Variants in AGAP1 observed in about 807,000 individuals in gnomAD.
AGAP1 encodes arf-GAP with GTPase, ANK repeat and PH domain-containing protein 1.
Under a neutral mutation model 105.3 loss-of-function variants are expected in AGAP1, and 29 were observed. The observed-to-expected ratio is 0.28, with a 90% CI of 0.21 to 0.38. The LOEUF is 0.38. Among genes scored for constraint, AGAP1 ranks in the 10% least tolerant of loss-of-function variants. The pLI is 1.00. For synonymous variants in AGAP1, 509 were observed against 485.9 expected (o/e 1.05, Z -0.63); for missense variants, 998 against 1,165.1 (o/e 0.86, Z 2.09).
intron 1 of AGAP1, chr2:235,670,267 GC>G (rs1481019607): frequency 2.2e-6 from 1 of 450,802 alleles, no homozygotes; most frequent in Admixed American, 4.4e-5. Flanking sequence ...CGGTTCGGCG[GC>G]CCCGGCCCGC....
At position 235,714,765 on chromosome 2, in the gene AGAP1, T is replaced by A. The variant is rs1951015280; in HGVS notation, c.223-2792T>A. On this transcript the variant is annotated intron_variant, in intron 2 of 17. Coordinates refer to ENST00000304032, the MANE Select transcript of AGAP1 (RefSeq NM_001037131.3). The surrounding 1 kb of genome is among the most constrained non-coding windows in gnomAD (Gnocchi z 4.1). ...TTCCACACTGTCATGCCAAATTTGT[T>A]CTCTTATATGTTTGTTTGTTTTCTT... Among the ~76,000 whole-genome samples the A allele has an allele frequency of 6.6e-6, 1 of 152,008 alleles. No individual in the cohort carries two copies.
At chr2:235,837,240 C>T (rs1406903184) in intron 9 of AGAP1, among the ~76,000 whole-genome samples, 1 of 152,208 alleles carries the variant, frequency 6.6e-6, no homozygotes, top group Non-Finnish European at 1.5e-5. Context: ...CCACCTCGGC[C>T]TCCCAAAGTG....
At chr2:236,052,957 A>G (rs774429280) in intron 16 of AGAP1, among the ~76,000 whole-genome samples, 4 of 152,234 alleles carry the variant, frequency 2.6e-5, no homozygotes, top group Non-Finnish European at 2.9e-5. Flanking sequence ...TGAAGTAGTA[A>G]CAGTGGACAG....
chr2:235,547,184 A>G (rs1248719699), intron 1 of AGAP1, among the ~76,000 whole-genome samples: 1 of 152,158 alleles, frequency 6.6e-6, no homozygotes, highest in Admixed American at 6.5e-5. Flanking sequence ...CATCAACTCC[A>G]AGGAGATGGC....
At chr2:235,818,019 C>T (rs1958558447) in intron 9 of AGAP1, among the ~76,000 whole-genome samples, 1 of 152,232 alleles carries the variant, frequency 6.6e-6, no homozygotes, top group South Asian at 2.1e-4. Context: ...CTATTAACAT[C>T]TTAGGGCCGT....
chr2:235,859,267 G>A (rs971771690), intron 9 of AGAP1, among the ~76,000 whole-genome samples: 2 of 151,918 alleles, frequency 1.3e-5, no homozygotes, highest in African/African-American at 2.4e-5. Context: ...GAAGTTGTCA[G>A]AGAAGTTAAA....
At chr2:235,693,108 T>G (rs1414598233) in intron 1 of AGAP1, among the ~76,000 whole-genome samples, 1 of 152,024 alleles carries the variant, frequency 6.6e-6, no homozygotes, top group African/African-American at 2.4e-5. Flanking sequence ...GCTGACTCCT[T>G]GGGAAGGAGG....
In AGAP1 at chr2:235,639,649, A is replaced by G. The variant is rs377417719; in HGVS notation, c.164-69530A>G. 6.6e-6 allele frequency among the ~76,000 whole-genome samples: 1 copy of G among 152,156 alleles called. No homozygotes were observed. Among genetic ancestry groups the G allele is most frequent in the East Asian group, 1.9e-4 (1 of 5,174 alleles). ...TCTGGTGCCCAAATGTTCTGGGCAC[A>G]CTGTTGTTTGGGGAAGAATCGCAGG... On this transcript the variant is annotated intron_variant, in intron 1 of 17. Coordinates refer to ENST00000304032, the MANE Select transcript of AGAP1 (RefSeq NM_001037131.3). This position sits in a 1 kb window ranked among gnomAD's most constrained non-coding sequence, Gnocchi z 5.3.
rs1469740522 is a variant in AGAP1 at position 236,127,494 on chromosome 2, G to A, written c.*3372G>A. ...TCGCAGGGTTCTCAGACACAGGAGA[G>A]AGCGGGATCTTAATGAATTGCATTT... On this transcript the variant is annotated 3_prime_UTR_variant, in exon 18 of 18. Transcript: ENST00000304032. The surrounding 1 kb of genome is among the most constrained non-coding windows in gnomAD (Gnocchi z 6.6). 6.6e-6 allele frequency: 1 copy of A among 152,342 alleles called. No homozygotes were observed. The highest frequency in any genetic ancestry group is 1.5e-5 in the Non-Finnish European group (1 of 68,140). The allele number at this position is 152,342 out of a possible 1,614,324, so 9.4% of individuals were successfully genotyped here. A position where few individuals can be genotyped will look rare whatever the true frequency, so the allele number is the denominator to read the frequency against.
rs1483882739 is a variant in AGAP1, at chr2:235,574,240, TA to T, written c.163+79396del. On this transcript the variant is annotated intron_variant, in intron 1 of 17. Coordinates refer to ENST00000304032, the MANE Select transcript of AGAP1 (RefSeq NM_001037131.3). This position sits in a 1 kb window ranked among gnomAD's most constrained non-coding sequence, Gnocchi z 5.0. ...TTTCAGGTTGTTTGGATAATCATCC[TA>T]AAAACGCCTCTGAGATCCACCCCCA... Among the ~76,000 whole-genome samples the T allele has an allele frequency of 4.6e-5, 7 of 152,122 alleles. No individual in the cohort carries two copies. Among genetic ancestry groups the T allele is most frequent in the African/African-American group, 9.7e-5 (4 of 41,436 alleles).
rs2058181032 is a variant in AGAP1 at position 236,061,051 on chromosome 2, A to C, written c.2114+11770A>C. 1.3e-5 allele frequency among the ~76,000 whole-genome samples: 2 copies of C among 152,228 alleles called. No individual in the cohort carries two copies. The highest frequency in any genetic ancestry group is 4.1e-4 in the South Asian group (2 of 4,832). On this transcript the variant is annotated intron_variant, in intron 16 of 17. Coordinates refer to ENST00000304032, the MANE Select transcript of AGAP1 (RefSeq NM_001037131.3). The surrounding 1 kb of genome is among the most constrained non-coding windows in gnomAD (Gnocchi z 4.1). ...CCACTCTAGCCTGGATAACAGAACA[A>C]GACCTCGTCTGAAAAATAAAATAAG...
intron 10 of AGAP1, among the ~76,000 whole-genome samples, chr2:235,896,975 C>G (rs919346688): frequency 6.6e-6 from 1 of 152,194 alleles, no homozygotes; most frequent in Non-Finnish European, 1.5e-5. Flanking sequence ...GCTATCCTCA[C>G]GACATTTCAT....
chr2:235,843,033 A>G lies in AGAP1; in HGVS notation c.1050+35702A>G, dbSNP rs987806741. 6.6e-6 allele frequency among the ~76,000 whole-genome samples: 1 copy of G among 152,060 alleles called. No individual in the cohort carries two copies. The highest frequency in any genetic ancestry group is 1.5e-5 in the Non-Finnish European group (1 of 68,004). On this transcript the variant is annotated intron_variant, in intron 9 of 17. Transcript: ENST00000304032. This position sits in a 1 kb window ranked among gnomAD's most constrained non-coding sequence, Gnocchi z 5.9. ...TTAGCTGCCGTGCCCGGCCCGTGTG[A>G]GATTTGATGTGAAGTTGAGGACACG...
chr2:235,594,896 T>TG (rs1428689392), intron 1 of AGAP1, among the ~76,000 whole-genome samples: 7 of 150,936 alleles, frequency 4.6e-5, no homozygotes, highest in African/African-American at 9.8e-5. Context: ...TTTTTTTTTT[T>TG]TTTTTTTTTT....
intron 16 of AGAP1, among the ~76,000 whole-genome samples, chr2:236,067,511 A>T (rs1482110734): frequency 1.3e-5 from 2 of 152,200 alleles, no homozygotes; most frequent in Non-Finnish European, 2.9e-5. Flanking sequence ...GGGCAGGACA[A>T]GTCTTCAGTA....
At chr2:235,743,316 G>A (rs1293727334) in intron 4 of AGAP1, among the ~76,000 whole-genome samples, 2 of 152,200 alleles carry the variant, frequency 1.3e-5, no homozygotes, top group Non-Finnish European at 1.5e-5. Flanking sequence ...TTTCCTCCGG[G>A]TGGATGCTCA....
Position 235,869,467 on chromosome 2 carries a change from G to A in AGAP1, c.1051-13878G>A, listed in dbSNP as rs563481627. ...AAAAAAAAAATTAGCCGGGCGTGAC[G>A]GCAGGTGCCTGTAATCCCAGCTACT... On this transcript the variant is annotated intron_variant, in intron 9 of 17. Coordinates refer to ENST00000304032, the MANE Select transcript of AGAP1 (RefSeq NM_001037131.3). 5.4e-5 allele frequency among the ~76,000 whole-genome samples: 8 copies of A among 149,482 alleles called. No homozygotes were observed. The South Asian group carries it at 1.1e-3, about 20-fold the overall frequency.
rs1010845382 is a variant in AGAP1 at position 235,967,171 on chromosome 2, C to T, written c.1484-1291C>T. On this transcript the variant is annotated intron_variant, in intron 12 of 17. Coordinates refer to ENST00000304032, the MANE Select transcript of AGAP1 (RefSeq NM_001037131.3). This position sits in a 1 kb window ranked among gnomAD's most constrained non-coding sequence, Gnocchi z 4.7. ...GCCACCGCCACTCGGGCCCCCTCTC[C>T]GTTTCTGGAACACACCAGGCTCCCT... Among the ~76,000 whole-genome samples, 5 of 152,108 alleles carry T rather than the reference C, an allele frequency of 3.3e-5. No homozygotes were observed.
chr2:235,695,490 G>A (rs1259608558), intron 1 of AGAP1, among the ~76,000 whole-genome samples: 1 of 152,196 alleles, frequency 6.6e-6, no homozygotes, highest in Non-Finnish European at 1.5e-5. Context: ...GTTACATGGT[G>A]AACAGACAGC....
Sources: gnomAD v4.1 joint callset for allele counts (sites outside exome capture counted in the v4.1 genomes callset) on GRCh38, gnomAD v4.1.1 for gene constraint, Gnocchi (gnomAD v3.1) non-coding constraint, MANE v1.5 for transcripts, NCBI Gene and HGNC (gene_info 2026-07-23, HGNC 2026-07-21) for gene names.